SEMA6D: variants seen among roughly 807,000 people sequenced by gnomAD.
SEMA6D encodes the protein semaphorin 6D, also known as semaphorin-6D.
In SEMA6D, 35 loss-of-function variants were observed where a neutral mutation model predicts 106.6. The observed-to-expected ratio is 0.33, with a 90% CI of 0.25 to 0.44. The LOEUF is 0.44. Ranked by LOEUF, SEMA6D falls within the 20% of genes least tolerant of loss-of-function variation. The probability of loss-of-function intolerance (pLI) is 1.00; values close to 1 mark genes in which losing one functional copy is unlikely to be tolerated. For missense variants in SEMA6D, 1,185 were observed against 1,345.9 expected (o/e 0.88, Z 1.87); for synonymous variants, 499 against 487.7 (o/e 1.02, Z -0.31).
At chr15:47,762,113 C>G (rs75217910) in intron 7 of SEMA6D, 87 bp from the exon 8 acceptor site, 16,397 of 1,447,700 alleles carry the variant, frequency 0.011, 173 homozygotes, top group South Asian at 0.028. Context: ...CCAGTGAGAG[C>G]GCTCCAAAGG....
intron 1 of SEMA6D, among the ~76,000 whole-genome samples, chr15:47,410,243 C>G (rs1281722317): frequency 3.3e-5 from 5 of 152,052 alleles, no homozygotes; most frequent in Non-Finnish European, 7.4e-5. Context: ...CTTGGACTTC[C>G]AGTTGCTAGG....
intron 1 of SEMA6D, among the ~76,000 whole-genome samples, chr15:47,404,046 C>A (rs1595914261): frequency 6.6e-6 from 1 of 152,152 alleles, no homozygotes; most frequent in South Asian, 2.1e-4. Flanking sequence ...ATTGTCAGCT[C>A]CCTTTGTGTC....
intron 4 of SEMA6D, among the ~76,000 whole-genome samples, chr15:47,650,670 T>C (rs1426944754): frequency 6.6e-6 from 1 of 152,224 alleles, no homozygotes; most frequent in African/African-American, 2.4e-5. Flanking sequence ...ACAGTTATTC[T>C]AGTTCCCCTA....
At chr15:47,505,615 T>G (rs2044013814) in intron 3 of SEMA6D, among the ~76,000 whole-genome samples, 1 of 152,096 alleles carries the variant, frequency 6.6e-6, no homozygotes, top group South Asian at 2.1e-4. Flanking sequence ...CAAAGATACT[T>G]AGGAGGAGAG....
intron 1 of SEMA6D, among the ~76,000 whole-genome samples, chr15:47,319,409 T>G (rs530514375): frequency 8.5e-5 from 13 of 152,348 alleles, no homozygotes; most frequent in Admixed American, 5.9e-4. Context: ...TGGACAGCTG[T>G]AAGTAGGCTT....
chr15:47,411,293 C>T (rs954702494), intron 1 of SEMA6D, among the ~76,000 whole-genome samples: 9 of 151,880 alleles, frequency 5.9e-5, no homozygotes, highest in African/African-American at 1.5e-4. Flanking sequence ...GACGGGGTTT[C>T]GCTGTGTTAG....
chr15:47,287,606 A>C (rs957382908), intron 1 of SEMA6D, among the ~76,000 whole-genome samples: 3 of 152,154 alleles, frequency 2.0e-5, no homozygotes, highest in African/African-American at 7.2e-5. Flanking sequence ...TCTGATCCCT[A>C]TACTTACACC....
rs140799571 is a variant in SEMA6D at position 47,382,158 on chromosome 15, A to G, written c.-238-30235A>G. Among the ~76,000 whole-genome samples, 867 of 152,304 alleles carry G rather than the reference A, an allele frequency of 5.7e-3. 11 individuals carry two copies. The highest frequency in any genetic ancestry group is 0.019 in the African/African-American group (801 of 41,560). On this transcript the variant is annotated intron_variant, in intron 1 of 19. Coordinates refer to the SEMA6D transcript ENST00000558014. ...AAAGAAATACAGTAATAGTATTATT[A>G]TATATAAACTATCTATCTTGCAAAT...
chr15:47,674,996 A>G (rs532578134), intron 4 of SEMA6D, among the ~76,000 whole-genome samples: 22 of 152,326 alleles, frequency 1.4e-4, no homozygotes, highest in African/African-American at 5.3e-4. Flanking sequence ...GAGCCTCCGC[A>G]TGAGCAAATA....
intron 1 of SEMA6D, among the ~76,000 whole-genome samples, chr15:47,382,608 C>G (rs1044735582): frequency 1.3e-5 from 2 of 152,216 alleles, no homozygotes; most frequent in African/African-American, 4.8e-5. Flanking sequence ...TGTATAAGAT[C>G]ACACAAATGC....
At chr15:47,651,589 G>A (rs527731261) in intron 4 of SEMA6D, among the ~76,000 whole-genome samples, 50 of 152,118 alleles carry the variant, frequency 3.3e-4, no homozygotes, top group Non-Finnish European at 5.6e-4. Context: ...TCTAGAATGA[G>A]GCAACCACCA....
At chr15:47,552,898 A>ATTTTTTT (rs2045795869) in intron 3 of SEMA6D, among the ~76,000 whole-genome samples, 2 of 105,734 alleles carry the variant, frequency 1.9e-5, no homozygotes, top group Non-Finnish European at 1.8e-5. Flanking sequence ...ATAAATATAT[A>ATTTTTTT]TATATATAAA....
chr15:47,398,328 G>A (rs763100557), intron 1 of SEMA6D, among the ~76,000 whole-genome samples: 29 of 152,146 alleles, frequency 1.9e-4, no homozygotes, highest in Admixed American at 5.9e-4. Context: ...CTCTGTCTCT[G>A]CTTTATTGGC....
chr15:47,369,519 TC>T (rs2039191148), intron 1 of SEMA6D, among the ~76,000 whole-genome samples: 1 of 152,250 alleles, frequency 6.6e-6, no homozygotes, highest in Non-Finnish European at 1.5e-5. Flanking sequence ...CTTTAAATTC[TC>T]CCATTAAAAT....
At chr15:47,746,828 G>A (rs2081156089) in intron 1 of SEMA6D, among the ~76,000 whole-genome samples, 1 of 152,090 alleles carries the variant, frequency 6.6e-6, no homozygotes, top group Non-Finnish European at 1.5e-5. Flanking sequence ...GAGGAGCCCA[G>A]TCTGGCTGGG....
At chr15:47,322,755 G>A (rs1266538986) in intron 1 of SEMA6D, among the ~76,000 whole-genome samples, 1 of 152,136 alleles carries the variant, frequency 6.6e-6, no homozygotes. Context: ...AGTGATTTTA[G>A]TGTTAATTGG....
intron 1 of SEMA6D, among the ~76,000 whole-genome samples, chr15:47,337,899 C>T (rs547524623): frequency 1.3e-5 from 2 of 152,088 alleles, no homozygotes; most frequent in African/African-American, 4.8e-5. Flanking sequence ...TTTCTTTATT[C>T]CCCAAATCAC....
At chr15:47,519,106 A>C in intron 3 of SEMA6D, among the ~76,000 whole-genome samples, 1 of 152,172 alleles carries the variant, frequency 6.6e-6, no homozygotes, top group East Asian at 1.9e-4. Flanking sequence ...CAAATACAAA[A>C]CAATAAATAA....
At chr15:47,769,090 A>G (rs911878355) in intron 18 of SEMA6D, among the ~76,000 whole-genome samples, 1 of 152,202 alleles carries the variant, frequency 6.6e-6, no homozygotes, top group African/African-American at 2.4e-5. Context: ...CATTAATTGC[A>G]AATATCCTGA....
Sources: gnomAD v4.1 joint callset for allele counts (sites outside exome capture counted in the v4.1 genomes callset) on GRCh38, gnomAD v4.1.1 for gene constraint, MANE v1.5 for transcripts, NCBI Gene and HGNC (gene_info 2026-07-23, HGNC 2026-07-21) for gene names.